The following SENP5 variants were observed in gnomAD, a reference collection of about 807,000 sequenced individuals.
SENP5 encodes the protein SUMO specific peptidase 5.
A neutral mutation model predicts 74.2 loss-of-function variants in SENP5; 21 were observed. The observed-to-expected ratio is 0.28, with a 90% CI of 0.20 to 0.41. SENP5 has a LOEUF of 0.41. Ranked by LOEUF, SENP5 falls within the 10% of genes least tolerant of loss-of-function variation. The probability of loss-of-function intolerance (pLI) is 1.00; values close to 1 mark genes in which losing one functional copy is unlikely to be tolerated. For missense variants in SENP5, 717 were observed against 889.1 expected (o/e 0.81, Z 2.46); for synonymous variants, 311 against 312.7 (o/e 0.99, Z 0.06).
intron 6 of SENP5, among the ~76,000 whole-genome samples, chr3:196,915,059 G>A (rs543493974): frequency 2.4e-4 from 37 of 152,244 alleles, no homozygotes; most frequent in South Asian, 8.3e-4. Context: ...CCAGCCAGAG[G>A]AGAATCTTCC....
intron 6 of SENP5, among the ~76,000 whole-genome samples, chr3:196,918,175 C>T (rs559367383): frequency 4.6e-5 from 7 of 151,616 alleles, no homozygotes; most frequent in Admixed American, 2.0e-4. Flanking sequence ...GGCGCGGTGG[C>T]GGGCGCCTGT....
chr3:196,924,186 T>C (rs1374873677), intron 7 of SENP5, among the ~76,000 whole-genome samples: 6 of 152,196 alleles, frequency 3.9e-5, no homozygotes, highest in African/African-American at 1.2e-4. Context: ...GAAAATGTTA[T>C]GTTCACAGAG....
At chr3:196,869,020 C>A (rs927584509) in intron 1 of SENP5, among the ~76,000 whole-genome samples, 1 of 152,018 alleles carries the variant, frequency 6.6e-6, no homozygotes, top group Non-Finnish European at 1.5e-5. Flanking sequence ...ACCAGACTCT[C>A]TCCTAGCCAT....
intron 6 of SENP5, among the ~76,000 whole-genome samples, chr3:196,915,882 A>C (rs985197925): frequency 2.6e-5 from 4 of 152,208 alleles, no homozygotes; most frequent in Non-Finnish European, 5.9e-5. Context: ...TGCAGTGACC[A>C]AAGACTTAGA....
intron 7 of SENP5, among the ~76,000 whole-genome samples, chr3:196,925,822 C>T (rs1715790091): frequency 1.3e-5 from 2 of 152,078 alleles, no homozygotes; most frequent in Non-Finnish European, 2.9e-5. Flanking sequence ...TTACAATTGG[C>T]CTAATAATTT....
chr3:196,890,515 A>T (rs745835602), intron 2 of SENP5, among the ~76,000 whole-genome samples: 19 of 152,218 alleles, frequency 1.2e-4, no homozygotes, highest in Non-Finnish European at 2.5e-4. Context: ...CCTTTGAAAA[A>T]CAAGGTGAAT....
intron 8 of SENP5, among the ~76,000 whole-genome samples, chr3:196,928,675 C>G (rs1369802873): frequency 6.6e-6 from 1 of 152,094 alleles, no homozygotes; most frequent in African/African-American, 2.4e-5. Flanking sequence ...TTAACCCAAA[C>G]CCAAAGAGAC....
At chr3:196,917,660 G>C (rs370979254) in intron 6 of SENP5, among the ~76,000 whole-genome samples, 7 of 152,210 alleles carry the variant, frequency 4.6e-5, no homozygotes, top group South Asian at 2.1e-4. Flanking sequence ...GGAGTGGCAT[G>C]TCAAGTGCTG....
chr3:196,889,581 C>T (rs980640362), intron 2 of SENP5, among the ~76,000 whole-genome samples: 4 of 152,088 alleles, frequency 2.6e-5, no homozygotes, highest in African/African-American at 9.7e-5. Context: ...CCTTGAATTA[C>T]TAAAGAATAT....
intron 6 of SENP5, among the ~76,000 whole-genome samples, chr3:196,911,638 G>A (rs1400561150): frequency 6.6e-6 from 1 of 151,372 alleles, no homozygotes; most frequent in Non-Finnish European, 1.5e-5. Flanking sequence ...GCTCACGCCT[G>A]TAATCCCAGC....
intron 8 of SENP5, among the ~76,000 whole-genome samples, chr3:196,928,993 C>T (rs111544824): frequency 0.22 from 32,981 of 151,998 alleles, 3,680 homozygotes; most frequent in African/African-American, 0.27. Flanking sequence ...AGTTCAAGAC[C>T]AGCCTGGGCA....
chr3:196,870,996 C>T (rs1248056872), intron 1 of SENP5, among the ~76,000 whole-genome samples: 2 of 151,746 alleles, frequency 1.3e-5, no homozygotes, highest in Admixed American at 6.6e-5. Context: ...GGTGAAACTC[C>T]GTCTGTACTG....
chr3:196,882,768 T>C (rs577200547), intron 1 of SENP5, among the ~76,000 whole-genome samples: 3 of 152,214 alleles, frequency 2.0e-5, no homozygotes, highest in South Asian at 4.2e-4. Flanking sequence ...CCTCCCGAAG[T>C]ATTGGGATTA....
intron 6 of SENP5, among the ~76,000 whole-genome samples, chr3:196,923,197 T>C (rs1311202083): frequency 6.6e-6 from 1 of 152,266 alleles, no homozygotes; most frequent in Non-Finnish European, 1.5e-5. Flanking sequence ...TGGAAAACTG[T>C]ACTTTGTATA....
intron 5 of SENP5, 62 bp from the exon 6 acceptor site, chr3:196,903,471 T>A (rs2108839918): frequency 1.9e-6 from 2 of 1,040,774 alleles, no homozygotes; most frequent in Non-Finnish European, 2.8e-6. Flanking sequence ...TTTCCTCTTT[T>A]GAAGTTAAAT....
At position 196,899,655 on chromosome 3, in the gene SENP5, CTTTA is replaced by C; in HGVS notation, c.1514-6_1514-3del. ...TTTCCATCTTAACTTTTCTTTCTTC[CTTTA>C]TTTAAGGATTCCTAGATGAGGTTAT... On this transcript the variant is annotated splice_polypyrimidine_tract_variant and splice_region_variant and intron_variant, in intron 2 of 9. Transcript: ENST00000323460. 1 of 1,552,012 alleles carries C rather than the reference CTTTA, an allele frequency of 6.4e-7. No homozygotes were observed. The highest frequency in any genetic ancestry group is 8.9e-7 in the Non-Finnish European group (1 of 1,128,682).
At chr3:196,888,888 G>A (rs1422598214) in intron 2 of SENP5, among the ~76,000 whole-genome samples, 2 of 151,976 alleles carry the variant, frequency 1.3e-5, no homozygotes, top group African/African-American at 2.4e-5. Flanking sequence ...AGGCCGAGGC[G>A]GGCGGATCAT....
chr3:196,914,584 A>ATATAT (rs1242643022), intron 6 of SENP5: 10 of 59,390 alleles, frequency 1.7e-4, no homozygotes, highest in African/African-American at 4.0e-4. Flanking sequence ...AAAAAAAAAA[A>ATATAT]AAATATATAT....
intron 6 of SENP5, among the ~76,000 whole-genome samples, chr3:196,921,168 A>G (rs1715607389): frequency 2.6e-5 from 4 of 152,352 alleles, no homozygotes; most frequent in African/African-American, 9.6e-5. Flanking sequence ...GTAGAACCAA[A>G]GTCTAAACAC....
Sources: gnomAD v4.1 joint callset for allele counts (sites outside exome capture counted in the v4.1 genomes callset) on GRCh38, gnomAD v4.1.1 for gene constraint, MANE v1.5 for transcripts, NCBI Gene and HGNC (gene_info 2026-07-23, HGNC 2026-07-21) for gene names.